Variants in DNMBP observed in about 807,000 individuals in gnomAD.
DNMBP encodes the protein dynamin binding protein.
DNMBP carries 87 observed loss-of-function variants against 150.0 expected under a neutral mutation model. The observed-to-expected ratio is 0.58, with a 90% CI of 0.49 to 0.69. DNMBP has a LOEUF of 0.69. Ranked by LOEUF, DNMBP falls within the 30% of genes least tolerant of loss-of-function variation. The probability of loss-of-function intolerance (pLI) is 0.00; values close to 1 mark genes in which losing one functional copy is unlikely to be tolerated. For synonymous variants in DNMBP, 711 were observed against 750.4 expected, an observed-to-expected ratio of 0.95 and a Z score of 0.86; for missense variants, 1,774 against 1,949.0, an observed-to-expected ratio of 0.91 and a Z score of 1.69.
intron 4 of DNMBP, among the ~76,000 whole-genome samples, chr10:99,919,491 C>T (rs1350220220): frequency 6.6e-6 from 1 of 152,176 alleles, no homozygotes; most frequent in Non-Finnish European, 1.5e-5. Flanking sequence ...AAATTATAAT[C>T]GTTTAAAGTT....
chr10:99,931,761 C>A (rs1017719943), intron 4 of DNMBP, among the ~76,000 whole-genome samples: 1 of 152,198 alleles, frequency 6.6e-6, no homozygotes, highest in Non-Finnish European at 1.5e-5. Context: ...TTAGTCCCTG[C>A]CTCTTACAAT....
intron 1 of DNMBP, among the ~76,000 whole-genome samples, chr10:99,979,097 T>C (rs1173592805): frequency 6.6e-6 from 1 of 152,224 alleles, no homozygotes; most frequent in Non-Finnish European, 1.5e-5. Context: ...ATTCAATGAA[T>C]ATTTATCAAG....
intron 1 of DNMBP, among the ~76,000 whole-genome samples, chr10:99,983,572 C>T (rs111401913): frequency 1.3e-5 from 2 of 152,230 alleles, no homozygotes; most frequent in African/African-American, 4.8e-5. Context: ...CTCTTGGCCG[C>T]AGCATCCCCA....
chr10:99,896,999 G>C (rs1017372775), intron 9 of DNMBP, among the ~76,000 whole-genome samples: 2 of 152,190 alleles, frequency 1.3e-5, no homozygotes, highest in Non-Finnish European at 2.9e-5. Flanking sequence ...GGAAAGGGCT[G>C]GATGACCAGA....
intron 4 of DNMBP, among the ~76,000 whole-genome samples, chr10:99,913,614 G>T (rs2039928005): frequency 6.6e-6 from 1 of 152,050 alleles, no homozygotes; most frequent in Non-Finnish European, 1.5e-5. Flanking sequence ...TAGTTGTGGG[G>T]TTCCTTCAGT....
At chr10:99,880,511 G>T in intron 15 of DNMBP, 150 bp from the exon 16 acceptor site, 4 of 1,114,200 alleles carry the variant, frequency 3.6e-6, no homozygotes, top group Non-Finnish European at 4.9e-6. Context: ...AATAGTGAGA[G>T]ACACAAAATA....
At chr10:100,007,668 C>T (rs1021056897) in intron 1 of DNMBP, among the ~76,000 whole-genome samples, 1 of 152,218 alleles carries the variant, frequency 6.6e-6, no homozygotes, top group African/African-American at 2.4e-5. Flanking sequence ...TATTTCACCT[C>T]CCACAGCTGC....
intron 1 of DNMBP, among the ~76,000 whole-genome samples, chr10:99,981,736 C>T (rs1180373140): frequency 6.6e-6 from 1 of 152,172 alleles, no homozygotes; most frequent in East Asian, 1.9e-4. Flanking sequence ...AACAAGGCCT[C>T]CCCCATCTCT....
intron 16 of DNMBP, among the ~76,000 whole-genome samples, chr10:99,878,281 G>T (rs976978688): frequency 6.6e-6 from 1 of 152,222 alleles, no homozygotes; most frequent in Non-Finnish European, 1.5e-5. Context: ...GCCCATGGAA[G>T]GGAGGAGCTC....
intron 3 of DNMBP, among the ~76,000 whole-genome samples, chr10:99,958,979 C>T (rs1316252316): frequency 6.6e-6 from 1 of 152,152 alleles, no homozygotes; most frequent in East Asian, 1.9e-4. Flanking sequence ...ATTAAAATAC[C>T]TTTTCCTGTC....
rs765875588 is a variant in DNMBP at position 99,956,603 on chromosome 10, T to C, written c.871A>G (p.Ile291Val). ...LEGSLKGRTG[I>V]FPYRFVKLCP... is the part of the protein sequence containing the mutation. Reference sequence around the variant, plus strand: ...AATTTCACAAACCGGTAAGGAAAGATGCCTGTCCTGCCCTTCAGGGATCCT... The same window carrying C: ...AATTTCACAAACCGGTAAGGAAAGACGCCTGTCCTGCCCTTCAGGGATCCT... The change falls in exon 4 of 17, where the codon ATC becomes GTC. Residue 291 changes from isoleucine to valine, a missense_variant. Ile to Val is a conservative substitution (Grantham distance 29). Coordinates refer to ENST00000324109, the MANE Select transcript of DNMBP (RefSeq NM_015221.4). 2 of 1,614,182 alleles carry C rather than the reference T, an allele frequency of 1.2e-6. No individual in the cohort carries two copies. Among genetic ancestry groups the C allele is most frequent in the Non-Finnish European group, 8.5e-7 (1 of 1,180,026 alleles).
chr10:99,930,225 T>A, intron 4 of DNMBP: 1 of 702,988 alleles, frequency 1.4e-6, no homozygotes, highest in Non-Finnish European at 2.6e-6. Flanking sequence ...ATTCTCATGG[T>A]CTATATACCA....
intron 4 of DNMBP, 93 bp downstream of exon 4, chr10:99,955,121 G>C: frequency 9.5e-7 from 1 of 1,048,976 alleles, no homozygotes; most frequent in Non-Finnish European, 1.4e-6. Flanking sequence ...TGTCCATCGA[G>C]GATGGTAACA....
chr10:99,911,386 G>A (rs2039897394), intron 4 of DNMBP, among the ~76,000 whole-genome samples: 4 of 152,034 alleles, frequency 2.6e-5, no homozygotes, highest in South Asian at 2.1e-4. Flanking sequence ...TATTTTGCCT[G>A]TAATTCCAGC....
chr10:99,938,167 C>A (rs552989764), intron 4 of DNMBP, among the ~76,000 whole-genome samples: 140 of 152,130 alleles, frequency 9.2e-4, no homozygotes, highest in African/African-American at 3.2e-3. Context: ...ATAAAGCTAG[C>A]AAGATAAGAA....
intron 4 of DNMBP, among the ~76,000 whole-genome samples, chr10:99,937,213 A>G (rs561390075): frequency 1.8e-4 from 27 of 152,064 alleles, no homozygotes; most frequent in Middle Eastern, 3.4e-3. Flanking sequence ...CCAGACCCAA[A>G]CGAACCTCTA....
intron 1 of DNMBP, among the ~76,000 whole-genome samples, chr10:99,986,405 G>A (rs969656423): frequency 4.0e-5 from 6 of 151,850 alleles, no homozygotes; most frequent in Non-Finnish European, 7.4e-5. Flanking sequence ...GGTAAAGGAC[G>A]GCTGCCCTTC....
chr10:99,979,980 C>T (rs931707864), intron 1 of DNMBP, among the ~76,000 whole-genome samples: 1 of 152,168 alleles, frequency 6.6e-6, no homozygotes, highest in Non-Finnish European at 1.5e-5. Flanking sequence ...GTACTTCCCC[C>T]AAATGATGCC....
intron 1 of DNMBP, among the ~76,000 whole-genome samples, chr10:100,001,535 C>T (rs1277994815): frequency 1.4e-5 from 2 of 148,112 alleles, no homozygotes; most frequent in African/African-American, 5.2e-5. Flanking sequence ...CCTCAGCATC[C>T]TGAGTCGCTA....
Sources: allele counts gnomAD v4.1 joint callset (sites outside exome capture counted in the v4.1 genomes callset), GRCh38; gene constraint gnomAD v4.1.1; transcripts MANE v1.5; gene names NCBI Gene and HGNC (gene_info 2026-07-23, HGNC 2026-07-21).